Variants in IQCJ observed in about 807,000 individuals in gnomAD.
IQCJ encodes the protein IQ domain-containing protein J.
Under a neutral mutation model 11.0 loss-of-function variants are expected in IQCJ, and 9 were observed. The ratio of observed to expected loss-of-function variants is 0.82; its 90% CI spans 0.49 to 1.43. The LOEUF (loss-of-function observed/expected upper bound fraction) is 1.43. Ranked by LOEUF, IQCJ falls within the 40% of genes most tolerant of loss-of-function variation. The pLI is 0.00. For missense variants in IQCJ, 146 were observed against 133.2 expected (o/e 1.10, Z -0.47); for synonymous variants, 55 against 51.3 (o/e 1.07, Z -0.31).
chr3:159,157,138 G>GA (rs1205079919), intron 1 of IQCJ, among the ~76,000 whole-genome samples: 1 of 152,166 alleles, frequency 6.6e-6, no homozygotes, highest in African/African-American at 2.4e-5. Context: ...ACAATGGCTG[G>GA]ATAGTTGTGG....
intron 1 of IQCJ, among the ~76,000 whole-genome samples, chr3:159,144,943 T>C (rs1283038242): frequency 1.3e-5 from 2 of 152,214 alleles, no homozygotes; most frequent in East Asian, 3.8e-4. Flanking sequence ...TCACAGATGG[T>C]TAAAAGTCTC....
chr3:159,116,318 T>A (rs1027699882), intron 1 of IQCJ, among the ~76,000 whole-genome samples: 47 of 152,022 alleles, frequency 3.1e-4, no homozygotes, highest in Admixed American at 8.5e-4. Context: ...AGAAAAATAA[T>A]CTTTCAAAAT....
chr3:159,265,741 A>G, downstream of IQCJ: 1 of 175,646 alleles, frequency 5.7e-6, no homozygotes, highest in Admixed American at 5.8e-5. Flanking sequence ...AACCTCTAAC[A>G]CAACCTTAAT....
intron 1 of IQCJ, among the ~76,000 whole-genome samples, chr3:159,077,360 T>C (rs1301752036): frequency 6.6e-6 from 1 of 152,144 alleles, no homozygotes; most frequent in African/African-American, 2.4e-5. Flanking sequence ...TAAGAATTTT[T>C]CTACAGGTGA....
intron 1 of IQCJ, among the ~76,000 whole-genome samples, chr3:159,085,494 CTG>C (rs1716684532): frequency 6.6e-6 from 1 of 151,306 alleles, no homozygotes; most frequent in African/African-American, 2.4e-5. Context: ...AATCGCCACA[CTG>C]ACTTCCACAA....
At chr3:159,261,220 T>C (rs1728183476) in intron 3 of IQCJ, among the ~76,000 whole-genome samples, 1 of 152,020 alleles carries the variant, frequency 6.6e-6, no homozygotes, top group African/African-American at 2.4e-5. Context: ...CTTCCAGGAG[T>C]TTAGAAGAGA....
chr3:159,113,560 C>A (rs759356509), intron 1 of IQCJ, among the ~76,000 whole-genome samples: 2 of 152,160 alleles, frequency 1.3e-5, no homozygotes, highest in African/African-American at 4.8e-5. Flanking sequence ...GCTTTATGTT[C>A]GTTTAATAAG....
chr3:159,236,527 G>C (rs1446604545), intron 1 of IQCJ, among the ~76,000 whole-genome samples: 1 of 152,156 alleles, frequency 6.6e-6, no homozygotes, highest in African/African-American at 2.4e-5. Flanking sequence ...TTAATTTTCT[G>C]AAGTTGGGCT....
intron 1 of IQCJ, among the ~76,000 whole-genome samples, chr3:159,171,145 TA>T (rs375669716): frequency 7.0e-4 from 101 of 145,152 alleles, no homozygotes; most frequent in African/African-American, 1.2e-3. Context: ...CACTAGTTAT[TA>T]AAAAAAAAAA....
chr3:159,143,718 G>A (rs947395937), intron 1 of IQCJ, among the ~76,000 whole-genome samples: 3 of 152,188 alleles, frequency 2.0e-5, no homozygotes, highest in African/African-American at 7.2e-5. Flanking sequence ...CAAAATTATA[G>A]CCAGTCAACT....
chr3:159,130,609 C>T (rs1178511489), intron 1 of IQCJ, among the ~76,000 whole-genome samples: 1 of 152,104 alleles, frequency 6.6e-6, no homozygotes, highest in Non-Finnish European at 1.5e-5. Flanking sequence ...ACATTGTGTA[C>T]CTTGCCTGGC....
chr3:159,135,511 C>A (rs1720237587), intron 1 of IQCJ, among the ~76,000 whole-genome samples: 1 of 152,170 alleles, frequency 6.6e-6, no homozygotes, highest in Non-Finnish European at 1.5e-5. Flanking sequence ...CCTGGTCAGG[C>A]AACTCTCTCA....
At chr3:159,102,933 A>G (rs1718023257) in intron 1 of IQCJ, among the ~76,000 whole-genome samples, 1 of 152,186 alleles carries the variant, frequency 6.6e-6, no homozygotes, top group African/African-American at 2.4e-5. Context: ...ATCTAACTTC[A>G]TTGATATAAA....
At chr3:159,229,432 T>C (rs1220530118) in intron 1 of IQCJ, among the ~76,000 whole-genome samples, 6 of 152,046 alleles carry the variant, frequency 3.9e-5, no homozygotes, top group Non-Finnish European at 4.4e-5. Flanking sequence ...CAGCAACTCC[T>C]TTCCTTCGCT....
intron 1 of IQCJ, among the ~76,000 whole-genome samples, chr3:159,161,902 G>T (rs1340504944): frequency 6.6e-6 from 1 of 152,078 alleles, no homozygotes; most frequent in Non-Finnish European, 1.5e-5. Context: ...CTCTGTTTTG[G>T]TACCAGTACC....
At chr3:159,095,466 A>AACTC (rs1717671258) in intron 1 of IQCJ, among the ~76,000 whole-genome samples, 1 of 138,624 alleles carries the variant, frequency 7.2e-6, no homozygotes, top group African/African-American at 2.8e-5. Context: ...TGCACCCACT[A>AACTC]GTGTGTCATC....
At chr3:159,256,907 A>G (rs1189955251) in intron 3 of IQCJ, among the ~76,000 whole-genome samples, 1 of 152,192 alleles carries the variant, frequency 6.6e-6, no homozygotes, top group Non-Finnish European at 1.5e-5. Flanking sequence ...AGTAATTTAC[A>G]TACATTATCC....
chr3:159,189,069 T>C (rs1723534970), intron 1 of IQCJ, among the ~76,000 whole-genome samples: 1 of 152,120 alleles, frequency 6.6e-6, no homozygotes, highest in South Asian at 2.1e-4. Flanking sequence ...ATACTATAGA[T>C]GCAAGCCTCT....
intron 1 of IQCJ, among the ~76,000 whole-genome samples, chr3:159,072,241 AG>A (rs1170879954): frequency 6.6e-6 from 1 of 152,124 alleles, no homozygotes; most frequent in Non-Finnish European, 1.5e-5. Context: ...ATTTTCCAAT[AG>A]AGAAGAACAA....
Sources: gnomAD v4.1 joint callset for allele counts (sites outside exome capture counted in the v4.1 genomes callset) on GRCh38, gnomAD v4.1.1 for gene constraint, MANE v1.5 for transcripts, NCBI Gene and HGNC (gene_info 2026-07-23, HGNC 2026-07-21) for gene names.